The following LAPTM5 variants were observed in gnomAD, a reference collection of about 807,000 sequenced individuals.
The protein encoded by LAPTM5 is lysosomal-associated transmembrane protein 5.
LAPTM5 carries 11 observed loss-of-function variants against 30.1 expected under a neutral mutation model. The observed-to-expected ratio is 0.37, with a 90% CI of 0.23 to 0.60. The LOEUF is 0.60. Among genes scored for constraint, LAPTM5 ranks in the 20% least tolerant of loss-of-function variants. LAPTM5 has a pLI of 0.71. For synonymous variants in LAPTM5, 151 were observed against 137.9 expected (o/e 1.10, Z -0.67); for missense variants, 324 against 332.5 (o/e 0.97, Z 0.20).
intron 1 of LAPTM5, among the ~76,000 whole-genome samples, chr1:30,752,652 A>C (rs1345459648): frequency 6.6e-6 from 1 of 152,092 alleles, no homozygotes; most frequent in Non-Finnish European, 1.5e-5. Context: ...AATGTCATCC[A>C]TTGTCCTCGT....
chr1:30,749,440 G>C (rs1323001345), intron 1 of LAPTM5, among the ~76,000 whole-genome samples: 2 of 152,212 alleles, frequency 1.3e-5, no homozygotes, highest in Non-Finnish European at 2.9e-5. Context: ...GCCCACCAAG[G>C]TGTGCACTTA....
intron 3 of LAPTM5, 30 bp downstream of exon 3, chr1:30,741,610 C>T: frequency 1.3e-6 from 2 of 1,536,330 alleles, no homozygotes; most frequent in South Asian, 2.4e-5. Context: ...CAGGAAGGGG[C>T]AGGGGGCAGC....
intron 1 of LAPTM5, among the ~76,000 whole-genome samples, chr1:30,747,322 G>A (rs1445368111): frequency 6.6e-6 from 1 of 152,296 alleles, no homozygotes; most frequent in African/African-American, 2.4e-5. Context: ...TCCCTGAGAG[G>A]AGGATGTTAC....
chr1:30,737,382 C>T (rs972139218), intron 6 of LAPTM5, among the ~76,000 whole-genome samples: 2 of 152,136 alleles, frequency 1.3e-5, no homozygotes, highest in African/African-American at 4.8e-5. Flanking sequence ...CATCTGAACG[C>T]AGGTGGCCTT....
At chr1:30,735,330 G>A (rs765898053) in intron 6 of LAPTM5, 65 bp from the exon 7 acceptor site, 131 of 1,345,068 alleles carry the variant, frequency 9.7e-5, no homozygotes, top group Non-Finnish European at 1.4e-4. Flanking sequence ...AGCAGGCCTA[G>A]GACATATGCC....
At chr1:30,742,611 C>T (rs1639987893) in intron 1 of LAPTM5, 62 bp from the exon 2 acceptor site, 1 of 1,359,118 alleles carries the variant, frequency 7.4e-7, no homozygotes, top group Non-Finnish European at 1.0e-6. Flanking sequence ...ACCAGCCCCT[C>T]CCACCTTAGT....
chr1:30,750,910 GC>G (rs1484205408), intron 1 of LAPTM5, among the ~76,000 whole-genome samples: 1 of 152,238 alleles, frequency 6.6e-6, no homozygotes, highest in African/African-American at 2.4e-5. Flanking sequence ...CAGGGCTGAG[GC>G]AGTGCAGCTC....
chr1:30,752,214 G>A (rs1489560689), intron 1 of LAPTM5, among the ~76,000 whole-genome samples: 1 of 152,206 alleles, frequency 6.6e-6, no homozygotes, highest in Non-Finnish European at 1.5e-5. Context: ...GCCAGCAGGG[G>A]GACCTGAAGC....
At chr1:30,745,823 G>T (rs571277878) in intron 1 of LAPTM5, 4 of 152,352 alleles carry the variant, frequency 2.6e-5, no homozygotes, top group South Asian at 2.1e-4. Context: ...AGACCTGCAC[G>T]CACAGGCTTG....
chr1:30,750,387 C>T (rs1305066230), intron 1 of LAPTM5, among the ~76,000 whole-genome samples: 1 of 152,210 alleles, frequency 6.6e-6, no homozygotes, highest in Non-Finnish European at 1.5e-5. Context: ...CTCTTCTGAA[C>T]TTATACAGTC....
chr1:30,736,605 T>A (rs1230684374), intron 6 of LAPTM5, among the ~76,000 whole-genome samples: 1 of 151,970 alleles, frequency 6.6e-6, no homozygotes, highest in Middle Eastern at 3.2e-3. Flanking sequence ...AACTTTTTTT[T>A]TTTTATGTTT....
chr1:30,751,595 C>T (rs866054770), intron 1 of LAPTM5, among the ~76,000 whole-genome samples: 1 of 152,158 alleles, frequency 6.6e-6, no homozygotes, highest in Non-Finnish European at 1.5e-5. Flanking sequence ...AAAACTTAGC[C>T]GGGCATGATG....
Position 30,742,525 on chromosome 1 carries a change from C to G in LAPTM5, c.112G>C (p.Glu38Gln). The G allele has an allele frequency of 6.2e-7, 1 of 1,613,554 alleles. No individual in the cohort carries two copies. The highest frequency in any genetic ancestry group is 1.1e-5 in the South Asian group (1 of 91,020). The change falls in exon 2 of 8, where the codon GAG (glutamate) becomes CAG (glutamine). Residue 38 changes from glutamate to glutamine, a missense_variant. Transcript: ENST00000294507. Reference protein sequence around the residue: ...HVIMSVLLFIEHSVEVAHGKA... With the variant: ...HVIMSVLLFIQHSVEVAHGKA... ...CCATGGGCCACCTCTACTGAGTGCT[C>G]GATGAACAACAAGACGCTCATGATC...
chr1:30,744,452 T>TA (rs1435958150), intron 1 of LAPTM5, among the ~76,000 whole-genome samples: 4 of 152,118 alleles, frequency 2.6e-5, no homozygotes, highest in Non-Finnish European at 5.9e-5. Flanking sequence ...TGGGAGTATG[T>TA]AAGCAGATCA....
At chr1:30,741,249 C>A (rs370009551) in intron 3 of LAPTM5, among the ~76,000 whole-genome samples, 1 of 152,310 alleles carries the variant, frequency 6.6e-6, no homozygotes, top group East Asian at 1.9e-4. Context: ...TTCTTCGGCT[C>A]CTCTCATCCA....
chr1:30,738,707 G>A (rs982400629), intron 5 of LAPTM5, among the ~76,000 whole-genome samples: 5 of 152,204 alleles, frequency 3.3e-5, no homozygotes, highest in South Asian at 4.1e-4. Context: ...TGCTCCTACA[G>A]CCACATCTTT....
chr1:30,739,275 C>T lies in LAPTM5; in HGVS notation c.388-213G>A, dbSNP rs746220804. 15 of 527,116 alleles carry T rather than the reference C, an allele frequency of 2.8e-5. No individual in the cohort carries two copies. Among genetic ancestry groups the T allele is most frequent in the South Asian group, 1.1e-4 (5 of 46,188 alleles). 32.7% of individuals were successfully genotyped at this position (527,116 alleles called of 1,614,324 possible). A position where few individuals can be genotyped will look rare whatever the true frequency, so the allele number is the denominator to read the frequency against. The stretch of plus-strand genomic sequence containing the variant: ...ACTAGAACCAAGGTCTCCAGACTCC[C>T]GGGCCAGGGCCCTTCCATGATGTAG... On this transcript the variant is annotated intron_variant, in intron 4 of 7. Coordinates refer to ENST00000294507, the MANE Select transcript of LAPTM5 (RefSeq NM_006762.3). The surrounding 1 kb of genome is among the most constrained non-coding windows in gnomAD (Gnocchi z 4.2).
Position 30,732,600 on chromosome 1 carries a change from T to A in LAPTM5, c.*1228A>T, listed in dbSNP as rs1240130592. 6.6e-6 allele frequency: 1 copy of A among 151,832 alleles called. No individual in the cohort carries two copies. Among genetic ancestry groups the A allele is most frequent in the Non-Finnish European group, 1.5e-5 (1 of 67,950 alleles). 9.4% of individuals were successfully genotyped at this position (151,832 alleles called of 1,614,324 possible). A position where few individuals can be genotyped will look rare whatever the true frequency, so the allele number is the denominator to read the frequency against. ...CCCGACAGTCCCCAGAGACCCTGCC[T>A]CCGTGGCCTCCACCTCTGGGTCAGC... On this transcript the variant is annotated 3_prime_UTR_variant, in exon 8 of 8. Transcript: ENST00000294507.
chr1:30,747,229 A>C (rs1374904839), intron 1 of LAPTM5, among the ~76,000 whole-genome samples: 1 of 152,204 alleles, frequency 6.6e-6, no homozygotes. Flanking sequence ...AAGAGCAGAC[A>C]TCATGTGCAA....
Sources: gnomAD v4.1 joint callset for allele counts (sites outside exome capture counted in the v4.1 genomes callset) on GRCh38, gnomAD v4.1.1 for gene constraint, Gnocchi (gnomAD v3.1) non-coding constraint, MANE v1.5 for transcripts, NCBI Gene and HGNC (gene_info 2026-07-23, HGNC 2026-07-21) for gene names.